The following PRELID2 variants were observed in gnomAD, a reference collection of about 807,000 sequenced individuals.
PRELID2 encodes PRELI domain-containing protein 2.
In PRELID2, 25 loss-of-function variants were observed where a neutral mutation model predicts 28.4. That is an observed-to-expected ratio of 0.88 (90% CI 0.64 to 1.23). PRELID2 has a LOEUF of 1.23. Ranked by LOEUF, PRELID2 falls within the 50% of genes most tolerant of loss-of-function variation. The pLI, the probability that PRELID2 is intolerant of heterozygous loss-of-function variation, is 0.00. For missense variants in PRELID2, 201 were observed against 214.4 expected, an observed-to-expected ratio of 0.94 and a Z score of 0.39; for synonymous variants, 76 against 71.6, an observed-to-expected ratio of 1.06 and a Z score of -0.31.
At chr5:145,292,901 T>G in the PRELID2 span, among the ~76,000 whole-genome samples, 1 of 152,094 alleles carries the variant, frequency 6.6e-6, no homozygotes, top group African/African-American at 2.4e-5. Flanking sequence ...TTATTATTTT[T>G]TTTGAGATGG....
chr5:145,696,065 A>G (rs1298484783), intron 1 of PRELID2, among the ~76,000 whole-genome samples: 1 of 151,942 alleles, frequency 6.6e-6, no homozygotes, highest in Non-Finnish European at 1.5e-5. Flanking sequence ...ATATGCATAT[A>G]TAAATATAAC....
intron 4 of PRELID2, among the ~76,000 whole-genome samples, chr5:145,802,401 A>C (rs1753196614): frequency 6.6e-6 from 1 of 152,196 alleles, no homozygotes; most frequent in South Asian, 2.1e-4. Context: ...TTTTTTCTTC[A>C]TTGAATCCTC....
intron 1 of PRELID2, among the ~76,000 whole-genome samples, chr5:145,599,866 T>C (rs933827135): frequency 6.6e-5 from 10 of 152,174 alleles, no homozygotes; most frequent in African/African-American, 2.4e-4. Context: ...TGGGCTCCAT[T>C]TTCCTAGCCC....
At chr5:145,532,030 C>T (rs548943189) in intron 1 of PRELID2, among the ~76,000 whole-genome samples, 8 of 152,184 alleles carry the variant, frequency 5.3e-5, no homozygotes, top group African/African-American at 1.7e-4. Context: ...ATATGCAAAG[C>T]AGTATAATGT....
chr5:145,830,482 C>T (rs1020359913), intron 1 of PRELID2, among the ~76,000 whole-genome samples: 2 of 152,180 alleles, frequency 1.3e-5, no homozygotes, highest in Non-Finnish European at 2.9e-5. Context: ...AGAAGACCCA[C>T]TTTCTACACT....
chr5:145,254,426 T>C, the PRELID2 span, among the ~76,000 whole-genome samples: 1 of 152,118 alleles, frequency 6.6e-6, no homozygotes, highest in Admixed American at 6.6e-5. Context: ...ACTACAAGTA[T>C]GTGAGCCCCA....
intron 1 of PRELID2, among the ~76,000 whole-genome samples, chr5:145,750,629 T>C (rs1757100478): frequency 6.6e-6 from 1 of 152,220 alleles, no homozygotes; most frequent in African/African-American, 2.4e-5. Context: ...AACAAAGAAG[T>C]TGGGATACTA....
chr5:145,414,380 AC>A, the PRELID2 span, among the ~76,000 whole-genome samples: 3 of 151,928 alleles, frequency 2.0e-5, no homozygotes, highest in South Asian at 4.2e-4. Context: ...AACGAAAGTA[AC>A]CCCCCAGGCC....
the PRELID2 span, among the ~76,000 whole-genome samples, chr5:145,361,251 A>G: frequency 2.0e-5 from 3 of 152,342 alleles, no homozygotes; most frequent in East Asian, 5.8e-4. Flanking sequence ...GGCATTATAA[A>G]TTATAATCAG....
At chr5:145,518,003 C>G (rs1324753692) in intron 1 of PRELID2, among the ~76,000 whole-genome samples, 1 of 151,804 alleles carries the variant, frequency 6.6e-6, no homozygotes, top group Admixed American at 6.6e-5. Flanking sequence ...GGGTGGTGGG[C>G]TAGGGGACCG....
chr5:145,554,530 T>C (rs1276497760), intron 1 of PRELID2, among the ~76,000 whole-genome samples: 3 of 152,092 alleles, frequency 2.0e-5, no homozygotes, highest in African/African-American at 7.2e-5. Flanking sequence ...CTGGACCAGG[T>C]TGAAGGATCC....
chr5:145,673,055 G>C (rs10072356), intron 1 of PRELID2, among the ~76,000 whole-genome samples: 9,904 of 152,112 alleles, frequency 0.065, 1,076 homozygotes, highest in African/African-American at 0.23. Flanking sequence ...TGCCAGAAAA[G>C]CTCACAGAAG....
chr5:145,647,735 C>A (rs993247846), intron 1 of PRELID2, among the ~76,000 whole-genome samples: 3 of 152,188 alleles, frequency 2.0e-5, no homozygotes, highest in Non-Finnish European at 4.4e-5. Context: ...AGTATCTGGG[C>A]CAGAGTGCAC....
At chr5:145,803,094 C>A (rs1012705998) in intron 4 of PRELID2, among the ~76,000 whole-genome samples, 8 of 152,046 alleles carry the variant, frequency 5.3e-5, no homozygotes, top group African/African-American at 1.9e-4. Context: ...TTGTGATGAC[C>A]TCAGTTCTAA....
At chr5:145,703,800 A>T (rs1755473321) in intron 1 of PRELID2, 2 of 152,158 alleles carry the variant, frequency 1.3e-5, no homozygotes, top group Non-Finnish European at 1.5e-5. Context: ...TGTCCTCCAC[A>T]CCTGAGTGCA....
At chr5:145,284,684 T>C in the PRELID2 span, among the ~76,000 whole-genome samples, 1 of 152,082 alleles carries the variant, frequency 6.6e-6, no homozygotes, top group Non-Finnish European at 1.5e-5. Context: ...ATTCAGCTAT[T>C]TAAATCCCAA....
chr5:145,353,793 A>C, the PRELID2 span, among the ~76,000 whole-genome samples: 1 of 152,128 alleles, frequency 6.6e-6, no homozygotes, highest in African/African-American at 2.4e-5. Context: ...ACTACAATAC[A>C]AGATGATATT....
chr5:145,771,591 A>C (rs1317840355), intron 5 of PRELID2, among the ~76,000 whole-genome samples: 2 of 151,882 alleles, frequency 1.3e-5, no homozygotes, highest in Admixed American at 6.6e-5. Flanking sequence ...ACAGTGGCTC[A>C]CGCCTGTAAT....
intron 1 of PRELID2, among the ~76,000 whole-genome samples, chr5:145,642,422 G>C (rs1196703705): frequency 6.6e-6 from 1 of 152,166 alleles, no homozygotes; most frequent in Admixed American, 6.5e-5. Context: ...TTAGCCCTTT[G>C]TCAGATGGAT....
Sources: gnomAD v4.1 joint callset for allele counts (sites outside exome capture counted in the v4.1 genomes callset) on GRCh38, gnomAD v4.1.1 for gene constraint, MANE v1.5 for transcripts, NCBI Gene and HGNC (gene_info 2026-07-23, HGNC 2026-07-21) for gene names.